Variants in AATF observed in about 807,000 individuals in gnomAD.
AATF encodes the protein protein AATF.
Under a neutral mutation model 63.7 loss-of-function variants are expected in AATF, and 48 were observed. That is an observed-to-expected ratio of 0.75 (90% CI 0.60 to 0.96). The LOEUF (loss-of-function observed/expected upper bound fraction) is 0.96, where lower values mean the gene tolerates loss of function less well. Among genes scored for constraint, AATF ranks in the 40% least tolerant of loss-of-function variants. The probability of loss-of-function intolerance (pLI) is 0.00; values close to 1 mark genes in which losing one functional copy is unlikely to be tolerated. For missense variants in AATF, 639 were observed against 685.7 expected (o/e 0.93, Z 0.76); for synonymous variants, 258 against 247.7 (o/e 1.04, Z -0.39).
At chr17:36,971,692 C>A (rs893997719) in intron 4 of AATF, among the ~76,000 whole-genome samples, 13 of 152,088 alleles carry the variant, frequency 8.5e-5, no homozygotes, top group African/African-American at 2.4e-4. Flanking sequence ...TCCAAATGTG[C>A]AACAAATTGT....
rs1229850963 is a variant in AATF at position 36,953,756 on chromosome 17, TTTC to T, written c.695-8_695-6del. The T allele has an allele frequency of 3.1e-6, 5 of 1,606,124 alleles. No individual in the cohort carries two copies. The highest frequency in any genetic ancestry group is 4.2e-6 in the Non-Finnish European group (5 of 1,177,756). ...TTATTATTGAGGAATGGGATTCTCT[TTTC>T]TTCTTTTCAGCACTGTGGGACCAGC... On this transcript the variant is annotated splice_polypyrimidine_tract_variant and intron_variant, in intron 3 of 11. Coordinates refer to ENST00000619387, the MANE Select transcript of AATF (RefSeq NM_012138.4).
At chr17:36,969,323 C>T (rs531952144) in intron 4 of AATF, among the ~76,000 whole-genome samples, 5 of 152,262 alleles carry the variant, frequency 3.3e-5, no homozygotes, top group Non-Finnish European at 5.9e-5. Context: ...TAAACTTCAG[C>T]TTAGTCCCCC....
chr17:37,048,760 A>T (rs945814430), intron 11 of AATF, among the ~76,000 whole-genome samples: 2 of 152,114 alleles, frequency 1.3e-5, no homozygotes, highest in African/African-American at 4.8e-5. Context: ...AGCCCCAAAG[A>T]GCACAGGGCG....
chr17:37,052,522 G>A (rs1261515198), intron 11 of AATF: 5 of 152,234 alleles, frequency 3.3e-5, no homozygotes, highest in Non-Finnish European at 7.3e-5. Flanking sequence ...TAGGTTTGAG[G>A]GAGGAAGAGC....
At chr17:37,012,286 C>T (rs549666431) in intron 8 of AATF, among the ~76,000 whole-genome samples, 1 of 152,140 alleles carries the variant, frequency 6.6e-6, no homozygotes, top group African/African-American at 2.4e-5. Flanking sequence ...AACTTCTGGC[C>T]TCAAGTGATC....
intron 8 of AATF, among the ~76,000 whole-genome samples, chr17:37,010,110 T>C (rs73985334): frequency 0.038 from 5,778 of 152,132 alleles, 369 homozygotes; most frequent in African/African-American, 0.13. Context: ...TATGTGTGTG[T>C]GGTGGGGGAA....
intron 10 of AATF, among the ~76,000 whole-genome samples, chr17:37,024,922 G>A (rs2071499900): frequency 6.6e-6 from 1 of 151,972 alleles, no homozygotes; most frequent in African/African-American, 2.4e-5. Context: ...TCATGCCACT[G>A]CACTCCAGCC....
At chr17:36,959,605 A>C (rs941223901) in intron 4 of AATF, among the ~76,000 whole-genome samples, 1 of 152,212 alleles carries the variant, frequency 6.6e-6, no homozygotes, top group African/African-American at 2.4e-5. Context: ...AGTTTGCTCT[A>C]TAGCTTTAAA....
chr17:37,039,521 A>G (rs951178335), intron 11 of AATF, among the ~76,000 whole-genome samples: 1 of 152,226 alleles, frequency 6.6e-6, no homozygotes, highest in Non-Finnish European at 1.5e-5. Flanking sequence ...AAAGAGGATT[A>G]CAGCTTTGCA....
intron 11 of AATF, among the ~76,000 whole-genome samples, chr17:37,048,045 C>T (rs904334866): frequency 2.0e-5 from 3 of 152,082 alleles, no homozygotes; most frequent in African/African-American, 7.2e-5. Context: ...TTCCCCTTTA[C>T]CTCCTTTCTT....
rs755341121 is a variant in AATF, at chr17:36,990,838, A to G, written c.1379A>G (p.Asp460Gly). 3 of 1,589,890 alleles carry G rather than the reference A, an allele frequency of 1.9e-6. No individual in the cohort carries two copies. The highest frequency in any genetic ancestry group is 1.2e-5 in the South Asian group (1 of 85,928). The change falls in exon 8 of 12, where the codon GAT becomes GGT. Residue 460 changes from aspartate to glycine, a missense_variant. Physicochemically the swap from Asp to Gly is moderately conservative, Grantham distance 94. Coordinates refer to ENST00000619387, the MANE Select transcript of AATF (RefSeq NM_012138.4). Reference sequence around the variant, plus strand: ...GACTTGGATGAAGAAATCTTTGATGATGATGACTTTTACCACCAGGTGAGA... The same window carrying G: ...GACTTGGATGAAGAAATCTTTGATGGTGATGACTTTTACCACCAGGTGAGA... Reference protein sequence around the residue: ...LKDLDEEIFDDDDFYHQLLRE... With the variant: ...LKDLDEEIFDGDDFYHQLLRE...
chr17:37,018,894 A>G, intron 8 of AATF, 111 bp from the exon 9 acceptor site: 1 of 829,468 alleles, frequency 1.2e-6, no homozygotes, highest in Non-Finnish European at 2.1e-6. Context: ...TCCCTTATTG[A>G]TTGTAGTTTT....
intron 11 of AATF, among the ~76,000 whole-genome samples, chr17:37,042,704 C>T (rs1394499995): frequency 6.6e-6 from 1 of 151,174 alleles, no homozygotes. Context: ...AGACATGAGC[C>T]ACCACTGCAC....
intron 4 of AATF, among the ~76,000 whole-genome samples, chr17:36,954,955 A>G (rs1459917885): frequency 6.6e-6 from 1 of 152,108 alleles, no homozygotes; most frequent in African/African-American, 2.4e-5. Context: ...TGAAAGAGAT[A>G]TCTATATCCA....
At chr17:37,003,547 A>G (rs2142266872) in intron 8 of AATF, among the ~76,000 whole-genome samples, 1 of 148,170 alleles carries the variant, frequency 6.7e-6, no homozygotes, top group Admixed American at 6.8e-5. Context: ...GCTCACTGAA[A>G]CTTCTGCCTC....
intron 10 of AATF, among the ~76,000 whole-genome samples, chr17:37,021,783 C>T (rs529895645): frequency 4.0e-5 from 3 of 74,852 alleles, no homozygotes; most frequent in African/African-American, 1.6e-4. Flanking sequence ...CCAGCCTGGG[C>T]GACAGAGCGA....
rs765211648 is a variant in AATF at position 37,056,632 on chromosome 17, C to T, written c.1651C>T (p.Leu551Phe). 8 of 1,614,214 alleles carry T rather than the reference C, an allele frequency of 5.0e-6. No individual in the cohort carries two copies. Among genetic ancestry groups the T allele is most frequent in the Non-Finnish European group, 5.9e-6 (7 of 1,180,040 alleles). ...TELYRSLFGQ[L>F]HPPDEGHGD ...ACTGTACCGCTCTCTTTTTGGCCAGCTCCACCCTCCCGACGAAGGCCACGG... is the reference window on the plus strand; with the variant it reads ...ACTGTACCGCTCTCTTTTTGGCCAGTTCCACCCTCCCGACGAAGGCCACGG... Residue 551 changes from leucine (L) to phenylalanine (F), a missense_variant, in exon 12 of 12, where the codon CTC becomes TTC. Coordinates refer to ENST00000619387, the MANE Select transcript of AATF (RefSeq NM_012138.4).
At chr17:37,044,841 A>G (rs1231293846) in intron 11 of AATF, among the ~76,000 whole-genome samples, 1 of 152,180 alleles carries the variant, frequency 6.6e-6, no homozygotes, top group African/African-American at 2.4e-5. Context: ...ATTTCGGAGC[A>G]TTTCAGATTT....
At chr17:36,974,390 G>C (rs925587877) in intron 4 of AATF, among the ~76,000 whole-genome samples, 2 of 151,910 alleles carry the variant, frequency 1.3e-5, no homozygotes, top group Non-Finnish European at 2.9e-5. Flanking sequence ...CTTTATTGTT[G>C]GACATTTGGA....
Sources: gnomAD v4.1 joint callset for allele counts (sites outside exome capture counted in the v4.1 genomes callset) on GRCh38, gnomAD v4.1.1 for gene constraint, MANE v1.5 for transcripts, NCBI Gene and HGNC (gene_info 2026-07-23, HGNC 2026-07-21) for gene names.